The following CACNB4 variants were observed in gnomAD, a reference collection of about 807,000 sequenced individuals.
CACNB4 encodes the protein voltage-dependent L-type calcium channel subunit beta-4.
In CACNB4, 32 loss-of-function variants were observed where a neutral mutation model predicts 71.2. The observed-to-expected ratio is 0.45, with a 90% CI of 0.34 to 0.60. The LOEUF (loss-of-function observed/expected upper bound fraction) is 0.60. CACNB4 is among the 20% of genes least tolerant of loss of function. CACNB4 has a pLI of 0.01. For missense variants in CACNB4, 464 were observed against 647.9 expected (o/e 0.72, Z 3.08); for synonymous variants, 231 against 236.9 (o/e 0.97, Z 0.23).
At chr2:152,090,421 A>G (rs949335939) in intron 2 of CACNB4, among the ~76,000 whole-genome samples, 7 of 152,216 alleles carry the variant, frequency 4.6e-5, no homozygotes, top group Non-Finnish European at 8.8e-5. Flanking sequence ...TGGGAGGCCG[A>G]GGCGGGCGGA....
chr2:151,928,350 G>A (rs1251326573), intron 2 of CACNB4, among the ~76,000 whole-genome samples: 1 of 152,172 alleles, frequency 6.6e-6, no homozygotes, highest in Non-Finnish European at 1.5e-5. Context: ...CTAAATAGAA[G>A]TGTCTGAATA....
intron 10 of CACNB4, chr2:151,859,376 T>C (rs1308878926): frequency 6.6e-6 from 1 of 152,202 alleles, no homozygotes; most frequent in African/African-American, 2.4e-5. Flanking sequence ...AATTATCTTT[T>C]AGCCTCTCAC....
intron 2 of CACNB4, among the ~76,000 whole-genome samples, chr2:152,021,148 G>A (rs1344134452): frequency 6.6e-6 from 1 of 152,142 alleles, no homozygotes; most frequent in African/African-American, 2.4e-5. Flanking sequence ...TCTGGAGGCC[G>A]AGGCAGGGGA....
At chr2:152,096,279 A>C (rs1189904113) in intron 2 of CACNB4, among the ~76,000 whole-genome samples, 1 of 151,942 alleles carries the variant, frequency 6.6e-6, no homozygotes, top group Non-Finnish European at 1.5e-5. Context: ...GTCAGGAGAT[A>C]AAGACCATCC....
chr2:151,993,306 G>T (rs1681822319), intron 2 of CACNB4, among the ~76,000 whole-genome samples: 1 of 152,088 alleles, frequency 6.6e-6, no homozygotes, highest in African/African-American at 2.4e-5. Flanking sequence ...GACCCAAGAA[G>T]CCCAGACCTA....
chr2:151,934,011 AG>A (rs2099862306), intron 2 of CACNB4, among the ~76,000 whole-genome samples: 1 of 147,784 alleles, frequency 6.8e-6, no homozygotes, highest in African/African-American at 2.5e-5. Context: ...GAGAGTTATA[AG>A]GTGCCTGAGA....
chr2:152,014,894 CTTAAT>C (rs765216734), intron 2 of CACNB4, among the ~76,000 whole-genome samples: 14 of 152,088 alleles, frequency 9.2e-5, no homozygotes, highest in Non-Finnish European at 1.6e-4. Flanking sequence ...AAATGTTTAA[CTTAAT>C]TTAATTATCC....
At chr2:151,945,052 C>T (rs7599149) in intron 2 of CACNB4, among the ~76,000 whole-genome samples, 1 of 152,204 alleles carries the variant, frequency 6.6e-6, no homozygotes, top group Non-Finnish European at 1.5e-5. Context: ...TTCGCTTGCA[C>T]TCTGGGTTTC....
At chr2:152,046,830 T>C (rs1164516989) in intron 2 of CACNB4, among the ~76,000 whole-genome samples, 4 of 152,166 alleles carry the variant, frequency 2.6e-5, no homozygotes, top group African/African-American at 7.2e-5. Flanking sequence ...AGCTCAAGTA[T>C]CTGCACTGAA....
At chr2:151,996,514 G>C (rs1463046809) in intron 2 of CACNB4, among the ~76,000 whole-genome samples, 2 of 151,056 alleles carry the variant, frequency 1.3e-5, no homozygotes, top group Non-Finnish European at 2.9e-5. Context: ...GAACTCAGAA[G>C]CTCTTAGTCT....
At chr2:151,840,263 C>T (rs2099835830) in intron 13 of CACNB4, among the ~76,000 whole-genome samples, 1 of 152,208 alleles carries the variant, frequency 6.6e-6, no homozygotes, top group African/African-American at 2.4e-5. Flanking sequence ...TGACAGGTCA[C>T]AGACTGTGCC....
At chr2:151,932,672 T>G (rs1004603431) in intron 2 of CACNB4, among the ~76,000 whole-genome samples, 3 of 151,892 alleles carry the variant, frequency 2.0e-5, no homozygotes, top group Non-Finnish European at 2.9e-5. Flanking sequence ...ATGTCTCTAC[T>G]AAAACTACAA....
chr2:151,860,556 G>A, intron 10 of CACNB4, 155 bp downstream of exon 10: 1 of 655,114 alleles, frequency 1.5e-6, no homozygotes. Flanking sequence ...GCAAGACTCT[G>A]CTGCCTTCTT....
chr2:151,838,085 T>A lies in CACNB4; in HGVS notation c.*1034A>T, dbSNP rs1026098224. 2 of 152,174 alleles carry A rather than the reference T, an allele frequency of 1.3e-5. No homozygotes were observed. The highest frequency in any genetic ancestry group is 2.4e-5 in the African/African-American group (1 of 41,450). 9.4% of individuals were successfully genotyped at this position (152,174 alleles called of 1,614,324 possible). ...GAAGCAATGGAAAGATACTCAATCTTGTTGGCAGGAAATACAGACCCTGCG... is the reference window on the plus strand; with the variant it reads ...GAAGCAATGGAAAGATACTCAATCTAGTTGGCAGGAAATACAGACCCTGCG... On this transcript the variant is annotated 3_prime_UTR_variant, in exon 14 of 14. Transcript: ENST00000539935.
intron 2 of CACNB4, among the ~76,000 whole-genome samples, chr2:152,044,255 C>G (rs1685023605): frequency 6.6e-6 from 1 of 152,128 alleles, no homozygotes; most frequent in Non-Finnish European, 1.5e-5. Flanking sequence ...GAGTCTTGCT[C>G]TGTCGCCCAG....
intron 2 of CACNB4, among the ~76,000 whole-genome samples, chr2:151,966,847 A>G (rs558481752): frequency 3.9e-5 from 6 of 152,268 alleles, no homozygotes; most frequent in African/African-American, 1.4e-4. Flanking sequence ...GGCAGATAAT[A>G]TATATCTGAT....
At chr2:152,089,530 A>C in intron 2 of CACNB4, among the ~76,000 whole-genome samples, 1 of 152,158 alleles carries the variant, frequency 6.6e-6, no homozygotes, top group Non-Finnish European at 1.5e-5. Context: ...GAGGCCTGTC[A>C]CCCATTCTCT....
intron 11 of CACNB4, chr2:151,853,854 C>G (rs76373238): frequency 0.011 from 2,373 of 210,004 alleles, 53 homozygotes; most frequent in African/African-American, 0.05. Context: ...TGTACCAGGT[C>G]ATTTATGTTA....
intron 2 of CACNB4, among the ~76,000 whole-genome samples, chr2:151,940,244 C>T (rs1056444386): frequency 6.6e-6 from 1 of 152,120 alleles, no homozygotes. Context: ...ACATGAGGTA[C>T]AAGGTGCTAA....
Sources: allele counts gnomAD v4.1 joint callset (sites outside exome capture counted in the v4.1 genomes callset), GRCh38; gene constraint gnomAD v4.1.1; transcripts MANE v1.5; gene names NCBI Gene and HGNC (gene_info 2026-07-23, HGNC 2026-07-21).